The following TBC1D5 variants were observed in gnomAD, a reference collection of about 807,000 sequenced individuals.
The protein encoded by TBC1D5 is TBC1 domain family, member 5.
TBC1D5 carries 75 observed loss-of-function variants against 100.3 expected under a neutral mutation model. That is an observed-to-expected ratio of 0.75 (90% CI 0.62 to 0.91). TBC1D5 has a LOEUF of 0.91. Among genes scored for constraint, TBC1D5 ranks in the 40% least tolerant of loss-of-function variants. TBC1D5 has a pLI of 0.00. For synonymous variants in TBC1D5, 323 were observed against 325.6 expected, an observed-to-expected ratio of 0.99 and a Z score of 0.09; for missense variants, 910 against 942.4, an observed-to-expected ratio of 0.97 and a Z score of 0.45.
At chr3:17,407,277 A>G (rs1470026758) in intron 4 of TBC1D5, among the ~76,000 whole-genome samples, 1 of 152,142 alleles carries the variant, frequency 6.6e-6, no homozygotes, top group Non-Finnish European at 1.5e-5. Context: ...ATTGGAAATT[A>G]ATTGTCCCAA....
At chr3:17,436,553 A>G (rs2094539226) in intron 3 of TBC1D5, among the ~76,000 whole-genome samples, 1 of 152,200 alleles carries the variant, frequency 6.6e-6, no homozygotes, top group South Asian at 2.1e-4. Flanking sequence ...TATGAATTAT[A>G]TGAGGATGGT....
At chr3:17,367,192 T>G (rs555413775) in intron 13 of TBC1D5, among the ~76,000 whole-genome samples, 1 of 152,322 alleles carries the variant, frequency 6.6e-6, no homozygotes, top group South Asian at 2.1e-4. Context: ...CTACTAAAAC[T>G]GTTAAACTTC....
chr3:17,389,625 A>C (rs2093289255), intron 8 of TBC1D5, among the ~76,000 whole-genome samples: 1 of 152,138 alleles, frequency 6.6e-6, no homozygotes, highest in Non-Finnish European at 1.5e-5. Flanking sequence ...GCAAACCTTC[A>C]GATGATTCCA....
intron 1 of TBC1D5, among the ~76,000 whole-genome samples, chr3:17,718,324 G>A (rs1267475447): frequency 2.6e-5 from 4 of 152,178 alleles, no homozygotes; most frequent in Non-Finnish European, 4.4e-5. Context: ...GGTCAGGCAC[G>A]GTGGCTCACG....
At chr3:17,553,714 G>A (rs1232655609) in intron 2 of TBC1D5, among the ~76,000 whole-genome samples, 1 of 152,176 alleles carries the variant, frequency 6.6e-6, no homozygotes, top group Non-Finnish European at 1.5e-5. Flanking sequence ...TTTACTGAGT[G>A]CTGCCTCCAC....
At chr3:17,511,771 C>G (rs1049275623) in intron 2 of TBC1D5, among the ~76,000 whole-genome samples, 1 of 151,972 alleles carries the variant, frequency 6.6e-6, no homozygotes, top group African/African-American at 2.4e-5. Context: ...CAGTCTACAA[C>G]CATTCTATAT....
At chr3:17,240,915 T>C (rs968289498) in intron 16 of TBC1D5, among the ~76,000 whole-genome samples, 4 of 152,302 alleles carry the variant, frequency 2.6e-5, no homozygotes, top group African/African-American at 9.6e-5. Flanking sequence ...TTACTACTAA[T>C]AACCATGAAA....
At chr3:17,619,228 T>C (rs548250668) in intron 2 of TBC1D5, among the ~76,000 whole-genome samples, 1 of 152,290 alleles carries the variant, frequency 6.6e-6, no homozygotes, top group East Asian at 1.9e-4. Context: ...GTCACAAACT[T>C]ACAAATCATA....
intron 15 of TBC1D5, among the ~76,000 whole-genome samples, chr3:17,266,981 G>C (rs1054899907): frequency 6.6e-6 from 1 of 151,920 alleles, no homozygotes; most frequent in Non-Finnish European, 1.5e-5. Context: ...CAAAACCTCT[G>C]AAGCCATGCC....
intron 14 of TBC1D5, among the ~76,000 whole-genome samples, chr3:17,303,305 C>T (rs1174178192): frequency 6.6e-6 from 1 of 152,242 alleles, no homozygotes; most frequent in Admixed American, 6.5e-5. Flanking sequence ...TGCCATGCCT[C>T]TATGCATCAA....
chr3:17,721,719 G>A (rs1227197691), intron 1 of TBC1D5, among the ~76,000 whole-genome samples: 1 of 150,010 alleles, frequency 6.7e-6, no homozygotes, highest in Non-Finnish European at 1.5e-5. Flanking sequence ...GGTGGCTCAC[G>A]CCTGTAATCC....
chr3:17,352,698 AAC>A (rs1553700490), intron 13 of TBC1D5, among the ~76,000 whole-genome samples: 1 of 149,996 alleles, frequency 6.7e-6, no homozygotes, highest in African/African-American at 2.5e-5. Context: ...AAAAAAAAAA[AAC>A]AAAAAAACCT....
intron 19 of TBC1D5, chr3:17,184,606 C>A (rs1486906492): frequency 2.0e-5 from 3 of 152,144 alleles, no homozygotes; most frequent in African/African-American, 7.2e-5. Context: ...CAACTTGCTG[C>A]AACCTCAAAC....
chr3:17,191,461 G>A (rs2069881900), intron 18 of TBC1D5, among the ~76,000 whole-genome samples: 1 of 152,106 alleles, frequency 6.6e-6, no homozygotes, highest in African/African-American at 2.4e-5. Context: ...GATTATGAAT[G>A]CATGCAAGAA....
chr3:17,528,783 C>T (rs2096176059), intron 2 of TBC1D5, among the ~76,000 whole-genome samples: 1 of 152,158 alleles, frequency 6.6e-6, no homozygotes, highest in Non-Finnish European at 1.5e-5. Context: ...TTACTCAGTC[C>T]ATTTTGATAA....
At chr3:17,308,300 T>G (rs985797129) in intron 13 of TBC1D5, among the ~76,000 whole-genome samples, 166 bp from the exon 14 acceptor site, 1 of 152,090 alleles carries the variant, frequency 6.6e-6, no homozygotes, top group Non-Finnish European at 1.5e-5. Context: ...CAAATGAATT[T>G]TATAATTGTA....
At chr3:17,606,785 AAACAAC>A (rs200032975) in intron 2 of TBC1D5, among the ~76,000 whole-genome samples, 2 of 152,058 alleles carry the variant, frequency 1.3e-5, no homozygotes, top group African/African-American at 4.8e-5. Flanking sequence ...CTATACTGAA[AAACAAC>A]AACAACAACA....
chr3:17,593,090 C>T (rs2060336968), intron 2 of TBC1D5, among the ~76,000 whole-genome samples: 1 of 152,116 alleles, frequency 6.6e-6, no homozygotes, highest in Non-Finnish European at 1.5e-5. Flanking sequence ...GGAAGTAGCT[C>T]AAATGCCCAT....
chr3:17,322,120 A>T (rs1222123613), intron 13 of TBC1D5, among the ~76,000 whole-genome samples: 3 of 152,202 alleles, frequency 2.0e-5, no homozygotes, highest in Non-Finnish European at 4.4e-5. Flanking sequence ...TTAAAGAAAG[A>T]TCTTCATTGT....
Sources: allele counts gnomAD v4.1 joint callset (sites outside exome capture counted in the v4.1 genomes callset), GRCh38; gene constraint gnomAD v4.1.1; transcripts MANE v1.5; gene names NCBI Gene and HGNC (gene_info 2026-07-23, HGNC 2026-07-21).